LY9: variants seen among roughly 807,000 people sequenced by gnomAD.
LY9 encodes lymphocyte antigen 9, also known as T-lymphocyte surface antigen Ly-9.
In LY9, 59 loss-of-function variants were observed where a neutral mutation model predicts 64.6. The ratio of observed to expected loss-of-function variants is 0.91; its 90% CI spans 0.74 to 1.13. LY9 has a LOEUF of 1.13. Ranked by LOEUF, LY9 falls within the 50% of genes most tolerant of loss-of-function variation. The probability of loss-of-function intolerance (pLI) is 0.00; values close to 1 mark genes in which losing one functional copy is unlikely to be tolerated. For missense variants in LY9, 789 were observed against 797.2 expected (o/e 0.99, Z 0.12); for synonymous variants, 281 against 308.5 (o/e 0.91, Z 0.93).
rs776826535 is a variant in LY9 at position 160,823,543 on chromosome 1, G to C, written c.1577G>C (p.Arg526Thr). The C allele has an allele frequency of 1.0e-4, 167 of 1,614,058 alleles. No individual in the cohort carries two copies. The highest frequency in any genetic ancestry group is 1.6e-4 in the Middle Eastern group (1 of 6,084). Residue 526 changes from arginine to threonine, a missense_variant, in exon 8 of 10, where the codon AGG becomes ACG. Transcript: ENST00000263285. ...CTGGACACTCCCCTCAGGCCTGCCA[G>C]GCAACAGCCTACACCCACCTCAGAC... ...EKLDTPLRPA[R>T]QQPTPTSDSS...
rs1298703541 is a variant in LY9, at chr1:160,813,827, C to G, written c.646C>G (p.Pro216Ala). Residue 216 changes from proline to alanine, a missense_variant, in exon 3 of 10, where the codon CCA (proline) becomes GCA (alanine). Pro to Ala is a conservative substitution (Grantham distance 27). Transcript: ENST00000263285. ...ILTVSRTPCD[P>A]DLPYICTAQN... ...TACCGTCTCCCGAACACCATGTGAC[C>G]CAGACCTGCCATACATCTGCACAGC... The G allele has an allele frequency of 4.3e-6, 7 of 1,614,196 alleles. No individual in the cohort carries two copies. The highest frequency in any genetic ancestry group is 5.1e-6 in the Non-Finnish European group (6 of 1,180,040).
At chr1:160,824,602 A>G in intron 9 of LY9, 1 of 983,542 alleles carries the variant, frequency 1.0e-6, no homozygotes, top group Non-Finnish European at 1.2e-6. Context: ...TCTCAAAACC[A>G]TTGAAAATTA....
At chr1:160,823,367 A>C in intron 7 of LY9, 98 bp from the exon 8 acceptor site, 1 of 841,130 alleles carries the variant, frequency 1.2e-6, no homozygotes, top group Non-Finnish European at 1.9e-6. Context: ...TCTAGGCCTC[A>C]TCTAATGCAG....
chr1:160,803,701 C>T (rs1431417510), intron 2 of LY9, among the ~76,000 whole-genome samples: 1 of 152,020 alleles, frequency 6.6e-6, no homozygotes, highest in Non-Finnish European at 1.5e-5. Flanking sequence ...CTTTAGGTTT[C>T]TCTAGTTATA....
chr1:160,814,284 G>A, intron 3 of LY9, 136 bp from the exon 4 acceptor site: 7 of 685,366 alleles, frequency 1.0e-5, no homozygotes, highest in Non-Finnish European at 1.8e-5. Flanking sequence ...TAGCAGGCAT[G>A]CCCCTCAGAG....
intron 1 of LY9, among the ~76,000 whole-genome samples, chr1:160,798,329 C>G (rs546697048): frequency 7.2e-5 from 11 of 152,240 alleles, no homozygotes; most frequent in African/African-American, 2.6e-4. Flanking sequence ...GACTCTGTGA[C>G]TGATCAACCC....
chr1:160,806,109 G>A (rs1326134737), intron 2 of LY9, among the ~76,000 whole-genome samples: 1 of 151,832 alleles, frequency 6.6e-6, no homozygotes, highest in Non-Finnish European at 1.5e-5. Flanking sequence ...GATGGATCAT[G>A]TTTTTAAATC....
rs199753656 is a variant in LY9 at position 160,823,430 on chromosome 1, G to A, written c.1499-35G>A. The A allele has an allele frequency of 4.1e-5, 63 of 1,522,916 alleles. 1 individual carries two copies. The highest frequency in any genetic ancestry group is 2.9e-4 in the South Asian group (24 of 83,748). The allele number at this position is 1,522,916 out of a possible 1,614,324, so 94.3% of individuals were successfully genotyped here. On this transcript the variant is annotated intron_variant, in intron 7 of 9. Transcript: ENST00000263285. ...CAAAGCAAGAAGAGAGGTGGGGTTG[G>A]CATACTTTTATCAGCCCTGCACAAT...
rs1455369012 is a variant in LY9 at position 160,816,874 on chromosome 1, A to C, written c.1342+11A>C. ...AGAACATCTGTTCAGGTTTCTCTCC[A>C]TCTCTATTTACTCAGGTCACAGGAC... On this transcript the variant is annotated intron_variant, in intron 5 of 9. Coordinates refer to ENST00000263285, the MANE Select transcript of LY9 (RefSeq NM_002348.4). 3 of 1,613,930 alleles carry C rather than the reference A, an allele frequency of 1.9e-6. No homozygotes were observed. The highest frequency in any genetic ancestry group is 2.5e-6 in the Non-Finnish European group (3 of 1,179,940).
At chr1:160,799,653 C>T in intron 1 of LY9, 100 bp from the exon 2 acceptor site, 1 of 736,926 alleles carries the variant, frequency 1.4e-6, no homozygotes, top group East Asian at 2.5e-5. Flanking sequence ...CATTTCTCAG[C>T]ATCTGACATT....
Position 160,816,877 on chromosome 1 carries a change from T to C in LY9, c.1342+14T>C, listed in dbSNP as rs201654817. 2.3e-4 allele frequency: 378 copies of C among 1,613,930 alleles called. 1 individual carries two copies. Among genetic ancestry groups the C allele is most frequent in the Admixed American group, 5.7e-4 (34 of 60,014 alleles). ...ACATCTGTTCAGGTTTCTCTCCATC[T>C]CTATTTACTCAGGTCACAGGACCTT... On this transcript the variant is annotated intron_variant, in intron 5 of 9. Transcript: ENST00000263285.
rs369924373 is a variant in LY9, at chr1:160,822,048, G to A, written c.1499-1417G>A. Reference sequence around the variant, plus strand: ...GCATTTAGAACTGTGCCTCGCACACGGTAGGCACTTACTAAATATGAGCAT... The same window carrying A: ...GCATTTAGAACTGTGCCTCGCACACAGTAGGCACTTACTAAATATGAGCAT... On this transcript the variant is annotated intron_variant, in intron 7 of 9. Coordinates refer to ENST00000263285, the MANE Select transcript of LY9 (RefSeq NM_002348.4). Among the ~76,000 whole-genome samples the A allele has an allele frequency of 2.3e-4, 35 of 152,266 alleles. 1 individual carries two copies. The highest frequency in any genetic ancestry group is 3.4e-3 in the Middle Eastern group (1 of 294).
At chr1:160,825,878 C>A (rs1668826852) in intron 9 of LY9, among the ~76,000 whole-genome samples, 2 of 151,600 alleles carry the variant, frequency 1.3e-5, no homozygotes, top group Non-Finnish European at 1.5e-5. Flanking sequence ...CCATTGCACT[C>A]CAGCCTGGGC....
intron 2 of LY9, chr1:160,802,207 C>T: frequency 2.1e-5 from 24 of 1,159,126 alleles, no homozygotes; most frequent in Non-Finnish European, 2.5e-5. Context: ...TGGTCTTTCT[C>T]CGCTTGGATT....
At chr1:160,825,910 C>CA (rs11371484) in intron 9 of LY9, among the ~76,000 whole-genome samples, 75,157 of 150,012 alleles carry the variant, frequency 0.5, 19,015 homozygotes, top group East Asian at 0.7. Context: ...AACTCCATCT[C>CA]AAAAAAAAAG....
chr1:160,809,361 T>TTATTATTATTAC (rs371870875), intron 2 of LY9, among the ~76,000 whole-genome samples: 83 of 147,260 alleles, frequency 5.6e-4, no homozygotes, highest in South Asian at 4.6e-3. Flanking sequence ...ATTATTATTA[T>TTATTATTATTAC]TACTACTACT....
intron 1 of LY9, chr1:160,797,055 AG>A: frequency 2.1e-6 from 2 of 952,300 alleles, no homozygotes; most frequent in Non-Finnish European, 2.5e-6. Context: ...ACCATGGGCA[AG>A]GTGGCGTTTA....
At position 160,824,214 on chromosome 1, in the gene LY9, T is replaced by G. The variant is rs41266937; in HGVS notation, c.1864T>G (p.Ser622Ala). 11 of 1,614,052 alleles carry G rather than the reference T, an allele frequency of 6.8e-6. No individual in the cohort carries two copies. The highest frequency in any genetic ancestry group is 9.3e-6 in the Non-Finnish European group (11 of 1,180,026). ...KTPVSQKEES[S>A]ATIYCSIRKP... ...CCCAGTTTCTCAGAAGGAAGAGAGC[T>G]CAGCCACAATCTACTGCTCCATACG... is the stretch of plus-strand genomic sequence containing the variant. The change falls in exon 9 of 10, where the codon TCA becomes GCA. Residue 622 changes from serine to alanine, a missense_variant. Coordinates refer to ENST00000263285, the MANE Select transcript of LY9 (RefSeq NM_002348.4).
At chr1:160,814,302 C>T (rs1667761940) in intron 3 of LY9, 118 bp from the exon 4 acceptor site, 1 of 766,328 alleles carries the variant, frequency 1.3e-6, no homozygotes, top group South Asian at 1.7e-5. Flanking sequence ...GAGGAGGAGG[C>T]CAGGAGAAAG....
Sources: allele counts gnomAD v4.1 joint callset (sites outside exome capture counted in the v4.1 genomes callset), GRCh38; gene constraint gnomAD v4.1.1; transcripts MANE v1.5; gene names NCBI Gene and HGNC (gene_info 2026-07-23, HGNC 2026-07-21).